Variants in SNRPN observed in about 807,000 individuals in gnomAD.
SNRPN encodes the protein small nuclear ribonucleoprotein polypeptide N, also known as small nuclear ribonucleoprotein-associated protein N.
Under a neutral mutation model 25.2 loss-of-function variants are expected in SNRPN, and 7 were observed. The ratio of observed to expected loss-of-function variants is 0.28; its 90% CI spans 0.16 to 0.52. The LOEUF (loss-of-function observed/expected upper bound fraction) is 0.52. Ranked by LOEUF, SNRPN falls within the 20% of genes least tolerant of loss-of-function variation. The pLI is 0.96. For synonymous variants in SNRPN, 124 were observed against 110.6 expected, an observed-to-expected ratio of 1.12 and a Z score of -0.76; for missense variants, 196 against 322.5, an observed-to-expected ratio of 0.61 and a Z score of 3.00.
At chr15:24,920,159 C>T (rs2059945510) in intron 3 of SNRPN, 1 of 152,128 alleles carries the variant, frequency 6.6e-6, no homozygotes, top group Admixed American at 6.6e-5. Context: ...CAGCCTCTTC[C>T]TCCTTACCTT....
chr15:24,895,648 A>T (rs1200848163), intron 2 of SNRPN, among the ~76,000 whole-genome samples: 1 of 152,192 alleles, frequency 6.6e-6, no homozygotes, highest in East Asian at 1.9e-4. Flanking sequence ...AATGCTAAAC[A>T]GTATAAACAA....
upstream of SNRPN, chr15:24,954,889 C>A (rs1453691979): frequency 2.9e-6 from 3 of 1,039,126 alleles, no homozygotes; most frequent in Non-Finnish European, 1.4e-6. Context: ...CCCTGCACTG[C>A]GGCAAACAAG....
At chr15:24,913,375 G>A (rs897837984) in intron 2 of SNRPN, among the ~76,000 whole-genome samples, 1 of 152,084 alleles carries the variant, frequency 6.6e-6, no homozygotes, top group Non-Finnish European at 1.5e-5. Flanking sequence ...GGGCATAGTG[G>A]CTCACGCCTG....
chr15:24,928,892 G>A (rs936169805), intron 3 of SNRPN, among the ~76,000 whole-genome samples: 3 of 152,194 alleles, frequency 2.0e-5, no homozygotes, highest in Non-Finnish European at 2.9e-5. Flanking sequence ...ACAGGTGTGA[G>A]CCATCACTCC....
intron 3 of SNRPN, among the ~76,000 whole-genome samples, chr15:24,945,323 C>G (rs2153108665): frequency 6.8e-6 from 1 of 147,814 alleles, no homozygotes; most frequent in East Asian, 2.0e-4. Flanking sequence ...CTCCTCTCCC[C>G]CTTTCCCCCA....
At chr15:24,854,961 G>A (rs1314798687), upstream of SNRPN, among the ~76,000 whole-genome samples, 4 of 150,978 alleles carry the variant, frequency 2.6e-5, no homozygotes, top group Non-Finnish European at 2.9e-5. Flanking sequence ...CCGAGATTGT[G>A]CCACTGCACT....
intron 1 of SNRPN, among the ~76,000 whole-genome samples, chr15:24,863,570 A>G (rs1283204487): frequency 1.3e-5 from 2 of 150,516 alleles, no homozygotes; most frequent in Non-Finnish European, 2.9e-5. Context: ...TTTCTACCAC[A>G]TGTACCCTTT....
At chr15:24,932,154 A>G (rs1007506169) in intron 3 of SNRPN, among the ~76,000 whole-genome samples, 3 of 152,174 alleles carry the variant, frequency 2.0e-5, no homozygotes, top group African/African-American at 4.8e-5. Context: ...GATACAGTCA[A>G]CCAGGGGATA....
At chr15:24,954,920 G>T, upstream of SNRPN, 1 of 1,381,558 alleles carries the variant, frequency 7.2e-7, no homozygotes, top group South Asian at 1.2e-5. Flanking sequence ...CGGCCGCAGA[G>T]GCAGGCTGGC....
chr15:24,864,069 C>A (rs2147908208), intron 1 of SNRPN, among the ~76,000 whole-genome samples: 1 of 147,366 alleles, frequency 6.8e-6, no homozygotes, highest in Non-Finnish European at 1.5e-5. Context: ...CTCTGTCGCC[C>A]AGGCTGGAGT....
At chr15:24,850,170 T>C (rs1217894053) in intron 2 of SNRPN, 1 of 152,204 alleles carries the variant, frequency 6.6e-6, no homozygotes, top group East Asian at 1.9e-4. Flanking sequence ...AGCAGAAGGT[T>C]GCAAAACAAG....
intron 3 of SNRPN, among the ~76,000 whole-genome samples, chr15:24,927,768 AAT>A (rs1595956144): frequency 6.6e-6 from 1 of 152,050 alleles, no homozygotes; most frequent in African/African-American, 2.4e-5. Context: ...CATAATGTTT[AAT>A]ATCTTTCCTC....
chr15:24,907,394 G>A (rs974902901), intron 2 of SNRPN, among the ~76,000 whole-genome samples: 36 of 152,006 alleles, frequency 2.4e-4, no homozygotes, highest in African/African-American at 8.2e-4. Flanking sequence ...TCAGGAGATC[G>A]AGACCATCCT....
intron 2 of SNRPN, among the ~76,000 whole-genome samples, chr15:24,843,558 G>A (rs1021143173): frequency 2.0e-5 from 3 of 152,046 alleles, no homozygotes; most frequent in Non-Finnish European, 4.4e-5. Context: ...TGAGGCAGGC[G>A]GATCACCTGA....
intron 1 of SNRPN, among the ~76,000 whole-genome samples, chr15:24,862,752 G>GA (rs2054105920): frequency 6.6e-6 from 1 of 150,850 alleles, no homozygotes. Flanking sequence ...TGGACAAGGG[G>GA]GGCCTTCAGG....
In SNRPN at chr15:24,970,302, G is replaced by A. The variant is rs149356591; in HGVS notation, c.-144+2220G>A. On this transcript the variant is annotated intron_variant, in intron 3 of 9. Coordinates refer to ENST00000390687, the MANE Select transcript of SNRPN (RefSeq NM_003097.6). ...AAGAAAATAAACTATTAATGTGGCC[G>A]GGTGTGGTGGCTCACGCCTGTCATC... is the stretch of plus-strand genomic sequence containing the variant. Among the ~76,000 whole-genome samples, 78 of 152,328 alleles carry A rather than the reference G, an allele frequency of 5.1e-4. 1 individual carries two copies. The highest frequency in any genetic ancestry group is 9.1e-4 in the Admixed American group (14 of 15,304).
intron 1 of SNRPN, among the ~76,000 whole-genome samples, chr15:24,869,864 C>T (rs1465217615): frequency 6.6e-6 from 1 of 152,260 alleles, no homozygotes; most frequent in Non-Finnish European, 1.5e-5. Flanking sequence ...AACTGAGGAC[C>T]TAAAACAAGA....
chr15:24,967,739 C>T (rs1315801240), intron 2 of SNRPN, among the ~76,000 whole-genome samples, 193 bp from the exon 3 acceptor site: 2 of 144,380 alleles, frequency 1.4e-5, no homozygotes, highest in African/African-American at 5.2e-5. Flanking sequence ...ACCCCGAAGG[C>T]AGTGTTTGTG....
intron 3 of SNRPN, among the ~76,000 whole-genome samples, chr15:24,934,983 A>G (rs2061128864): frequency 6.6e-6 from 1 of 151,956 alleles, no homozygotes; most frequent in Admixed American, 6.6e-5. Context: ...TAGAAGTTAA[A>G]TTTTTGTGCC....
Sources: allele counts gnomAD v4.1 joint callset (sites outside exome capture counted in the v4.1 genomes callset), GRCh38; gene constraint gnomAD v4.1.1; transcripts MANE v1.5; gene names NCBI Gene and HGNC (gene_info 2026-07-23, HGNC 2026-07-21).